The following SRRM1 variants were observed in gnomAD, a reference collection of about 807,000 sequenced individuals.
SRRM1 encodes the protein serine/arginine repetitive matrix protein 1.
Under a neutral mutation model 110.2 loss-of-function variants are expected in SRRM1, and 19 were observed. That is an observed-to-expected ratio of 0.17 (90% CI 0.12 to 0.25). SRRM1 has a LOEUF of 0.25. Among genes scored for constraint, SRRM1 ranks in the 10% least tolerant of loss-of-function variants. SRRM1 has a pLI of 1.00. For synonymous variants in SRRM1, 443 were observed against 414.9 expected (o/e 1.07, Z -0.82); for missense variants, 918 against 1,145.8 (o/e 0.80, Z 2.87).
intron 12 of SRRM1, among the ~76,000 whole-genome samples, chr1:24,663,987 CTTTTTTTT>C (rs973518559): frequency 8.4e-6 from 1 of 119,754 alleles, no homozygotes. Flanking sequence ...GCATAGCTCT[CTTTTTTTT>C]TTTTTTTTTT....
At chr1:24,664,152 T>C (rs1668701351) in intron 12 of SRRM1, among the ~76,000 whole-genome samples, 1 of 151,794 alleles carries the variant, frequency 6.6e-6, no homozygotes, top group Non-Finnish European at 1.5e-5. Flanking sequence ...CATGCCACCA[T>C]GCCCAGCTAA....
chr1:24,644,526 G>T lies in SRRM1; in HGVS notation c.21+1179G>T, dbSNP rs150413238. 6.5e-3 allele frequency among the ~76,000 whole-genome samples: 990 copies of T among 152,308 alleles called. 9 individuals are homozygous for T. The highest frequency in any genetic ancestry group is 0.023 in the African/African-American group (937 of 41,568). ...TAGTAAAAATATCTTTGGACACTCC[G>T]AATTGGACATTGAAATCCTTCTTTA... On this transcript the variant is annotated intron_variant, in intron 1 of 16. Transcript: ENST00000323848.
chr1:24,659,967 G>A (rs994262021), intron 9 of SRRM1, among the ~76,000 whole-genome samples: 1 of 151,922 alleles, frequency 6.6e-6, no homozygotes, highest in Non-Finnish European at 1.5e-5. Flanking sequence ...TTTTTTCATG[G>A]GTAGTTTAAA....
At chr1:24,649,914 C>T in intron 4 of SRRM1, 57 bp from the exon 5 acceptor site, 2 of 1,448,316 alleles carry the variant, frequency 1.4e-6, no homozygotes, top group East Asian at 2.5e-5. Flanking sequence ...AGAAAGTAGT[C>T]TTCAGTTTGT....
At chr1:24,646,273 A>G (rs865785062) in intron 2 of SRRM1, among the ~76,000 whole-genome samples, 200 bp downstream of exon 2, 2 of 152,340 alleles carry the variant, frequency 1.3e-5, no homozygotes, top group South Asian at 2.1e-4. Flanking sequence ...CACGCCTGTA[A>G]TCCCAGCACT....
chr1:24,669,359 A>G lies in SRRM1; in HGVS notation c.1976A>G (p.Lys659Arg), dbSNP rs750831222. The change falls in exon 14 of 17, where the codon AAG (lysine) becomes AGG (arginine). Residue 659 changes from lysine (K) to arginine (R), a missense_variant. Around this residue, in one of 5 missense-constraint regions of SRRM1, gnomAD observed 357 missense variants for 402.9 expected, o/e 0.89. Transcript: ENST00000323848. ...AGACGTTCACCTTCATTATCATCCA[A>G]GCATAGGAAAGGGTCTTCCCCAAGC... ...TKRRSPSLSS[K>R]HRKGSSPSRS... 72 of 1,613,988 alleles carry G rather than the reference A, an allele frequency of 4.5e-5. No individual in the cohort carries two copies. The highest frequency in any genetic ancestry group is 4.2e-4 in the Admixed American group (25 of 59,994).
chr1:24,662,469 A>G (rs1201457212), intron 11 of SRRM1, among the ~76,000 whole-genome samples, 191 bp from the exon 12 acceptor site: 4 of 152,158 alleles, frequency 2.6e-5, no homozygotes, highest in Non-Finnish European at 4.4e-5. Context: ...AATTATTTCT[A>G]TGTCTTATTT....
intron 13 of SRRM1, among the ~76,000 whole-genome samples, chr1:24,667,416 T>G (rs1670546614): frequency 6.6e-6 from 1 of 152,206 alleles, no homozygotes; most frequent in Non-Finnish European, 1.5e-5. Context: ...AGAGAAAATT[T>G]AGAGGATACT....
chr1:24,662,553 A>T, intron 11 of SRRM1, 107 bp from the exon 12 acceptor site: 1 of 1,018,426 alleles, frequency 9.8e-7, no homozygotes, highest in Non-Finnish European at 1.5e-6. Flanking sequence ...TGGCCTGTAT[A>T]CATGCTTGCT....
chr1:24,650,026 G>A lies in SRRM1; in HGVS notation c.461G>A (p.Arg154Lys). 6.3e-7 allele frequency: 1 copy of A among 1,598,822 alleles called. No individual in the cohort carries two copies. Among genetic ancestry groups the A allele is most frequent in the Non-Finnish European group, 8.5e-7 (1 of 1,172,630 alleles). The change falls in exon 5 of 17, where the codon AGA becomes AAA. Residue 154 changes from arginine to lysine, a missense_variant. Physicochemically the swap from Arg to Lys is conservative, Grantham distance 26. Transcript: ENST00000323848. ...AAGCAAGATGAAGACAAAGATAAAA[G>A]AGATAAGGAAGAAAAAGAAAGCAGC... is the stretch of plus-strand genomic sequence containing the variant. ...MKKQDEDKDKRDKEEKESSRE... is the reference protein window; with the variant it reads ...MKKQDEDKDKKDKEEKESSRE...
At chr1:24,651,735 T>C (rs866764341) in intron 6 of SRRM1, 123 bp downstream of exon 6, 1 of 849,126 alleles carries the variant, frequency 1.2e-6, no homozygotes, top group Non-Finnish European at 1.8e-6. Context: ...ATTATAAAAT[T>C]AGTTTGTTGA....
intron 3 of SRRM1, chr1:24,647,008 A>G (rs1658067673): frequency 5.2e-6 from 2 of 386,978 alleles, no homozygotes; most frequent in Non-Finnish European, 9.1e-6. Context: ...TATTGTTTGT[A>G]ATTTTGCTGT....
rs751330299 is a variant in SRRM1 at position 24,652,465 on chromosome 1, A to G, written c.757A>G (p.Ile253Val). 4.3e-5 allele frequency: 70 copies of G among 1,609,222 alleles called. No homozygotes were observed. In the South Asian group the frequency reaches 6.9e-4, roughly 16 times the overall value. The change falls in exon 7 of 17, where the codon ATA becomes GTA. Residue 253 changes from isoleucine to valine, a missense_variant. By Grantham distance (29) the Ile-to-Val change is conservative. This residue lies in a region of SRRM1 where 456 missense variants were observed against 453.5 expected (regional missense o/e 1.01). Transcript: ENST00000323848. ...DILKVPKPEPIPEPKEPSPEK... is the reference protein window; with the variant it reads ...DILKVPKPEPVPEPKEPSPEK... ...TCTGAAAGTTCCCAAACCTGAACCT[A>G]TACCAGAGCCTAAAGAACCTTCTCC...
At chr1:24,644,393 C>A (rs1557639753) in intron 1 of SRRM1, among the ~76,000 whole-genome samples, 1 of 152,176 alleles carries the variant, frequency 6.6e-6, no homozygotes, top group East Asian at 1.9e-4. Flanking sequence ...TGATCTAAGC[C>A]AATATATCCG....
chr1:24,657,611 T>C (rs1664882844), intron 9 of SRRM1, among the ~76,000 whole-genome samples: 2 of 152,074 alleles, frequency 1.3e-5, no homozygotes, highest in African/African-American at 2.4e-5. Context: ...AGTGGGCAAA[T>C]GGAGTGGGAG....
At chr1:24,665,757 G>T (rs1032370471) in intron 12 of SRRM1, among the ~76,000 whole-genome samples, 3 of 152,190 alleles carry the variant, frequency 2.0e-5, no homozygotes, top group Non-Finnish European at 4.4e-5. Context: ...TATTTTATAT[G>T]TATTTAGTGT....
At chr1:24,657,293 C>A (rs953746614) in intron 9 of SRRM1, among the ~76,000 whole-genome samples, 2 of 152,174 alleles carry the variant, frequency 1.3e-5, no homozygotes, top group African/African-American at 4.8e-5. Flanking sequence ...CATCAAGAAA[C>A]AGATTTTCAG....
At chr1:24,646,458 C>T (rs1294865989) in intron 2 of SRRM1, among the ~76,000 whole-genome samples, 3 of 149,130 alleles carry the variant, frequency 2.0e-5, no homozygotes, top group East Asian at 2.0e-4. Context: ...ACCTGGGAGG[C>T]GGAGCTTGCA....
rs141100900 is a variant in SRRM1 at position 24,670,092 on chromosome 1, T to C, written c.2205-28T>C. 7.6e-5 allele frequency: 117 copies of C among 1,529,678 alleles called. No homozygotes were observed. The African/African-American group carries it at 1.5e-3, about 19-fold the overall frequency. 94.8% of individuals were successfully genotyped at this position (1,529,678 alleles called of 1,614,324 possible). On this transcript the variant is annotated intron_variant, in intron 14 of 16. Transcript: ENST00000323848. ...TGTGAAGAGAGATGGCTGTTCTCAA[T>C]GCTGAATGTTTTTTCCTTTTTGTCT...
Sources: allele counts gnomAD v4.1 joint callset (sites outside exome capture counted in the v4.1 genomes callset), GRCh38; gene constraint gnomAD v4.1.1; regional missense constraint gnomAD v4.1.1; transcripts MANE v1.5; gene names NCBI Gene and HGNC (gene_info 2026-07-23, HGNC 2026-07-21).